The following CCDC40 variants were observed in gnomAD, a reference collection of about 807,000 sequenced individuals.
CCDC40 encodes the protein coiled-coil domain 40 molecular ruler complex subunit, also known as coiled-coil domain-containing protein 40.
In CCDC40, 104 loss-of-function variants were observed where a neutral mutation model predicts 124.5. That is an observed-to-expected ratio of 0.84 (90% CI 0.71 to 0.98). The LOEUF (loss-of-function observed/expected upper bound fraction) is 0.98, where lower values mean the gene tolerates loss of function less well. Ranked by LOEUF, CCDC40 falls within the 50% of genes least tolerant of loss-of-function variation. CCDC40 has a pLI of 0.00. For missense variants in CCDC40, 1,463 were observed against 1,503.9 expected (o/e 0.97, Z 0.45); for synonymous variants, 580 against 602.9 (o/e 0.96, Z 0.56).
chr17:80,085,633 C>T (rs541243829), intron 13 of CCDC40, among the ~76,000 whole-genome samples: 1 of 150,874 alleles, frequency 6.6e-6, no homozygotes, highest in African/African-American at 2.4e-5. Context: ...AGCCCACTCA[C>T]AAAGACCTTT....
intron 17 of CCDC40, among the ~76,000 whole-genome samples, chr17:80,092,425 CTG>C: frequency 6.6e-6 from 1 of 152,262 alleles, no homozygotes; most frequent in Non-Finnish European, 1.5e-5. Flanking sequence ...CTCATGCCCT[CTG>C]TAGTCAGCTC....
chr17:80,100,063 TA>T lies in CCDC40; in HGVS notation c.*290del. 1 of 461,080 alleles carries T rather than the reference TA, an allele frequency of 2.2e-6. No homozygotes were observed. Among genetic ancestry groups the T allele is most frequent in the Non-Finnish European group, 4.0e-6 (1 of 250,090 alleles). The allele number at this position is 461,080 out of a possible 1,614,324, so 28.6% of individuals were successfully genotyped here. On this transcript the variant is annotated 3_prime_UTR_variant, in exon 20 of 20. Coordinates refer to ENST00000397545, the MANE Select transcript of CCDC40 (RefSeq NM_017950.4). ...CCCACACTGGGCTTACTCGTCCAGG[TA>T]ACACTTTGGTTTGCAGCACTCCCAA...
intron 7 of CCDC40, among the ~76,000 whole-genome samples, chr17:80,053,565 T>A (rs1471235423): frequency 6.6e-6 from 1 of 152,226 alleles, no homozygotes; most frequent in Non-Finnish European, 1.5e-5. Context: ...GCATACAGAA[T>A]TCAGAATTCT....
At chr17:80,044,710 A>C (rs8071888) in intron 3 of CCDC40, among the ~76,000 whole-genome samples, 63,975 of 118,816 alleles carry the variant, frequency 0.54, 16,095 homozygotes, top group Middle Eastern at 0.65. Flanking sequence ...AACAAACAAA[A>C]AAAAAAATAT....
intron 16 of CCDC40, chr17:80,089,508 T>G: frequency 2.6e-6 from 1 of 390,252 alleles, no homozygotes. Context: ...TATATCCCTG[T>G]TCTCTCTCTC....
chr17:80,077,109 A>G lies in CCDC40; in HGVS notation c.1563-4437A>G, dbSNP rs114334756. ...CTACAGTAAAGTATGCACCTTCTGT[A>G]TGCACTGGGGAACCAAAAAAGATTG... On this transcript the variant is annotated intron_variant, in intron 10 of 19. Transcript: ENST00000397545. Among the ~76,000 whole-genome samples the G allele has an allele frequency of 3.6e-3, 546 of 152,292 alleles. 5 individuals carry two copies. Among genetic ancestry groups the G allele is most frequent in the Middle Eastern group, 0.014 (4 of 294 alleles).
intron 7 of CCDC40, among the ~76,000 whole-genome samples, chr17:80,052,455 G>T (rs2037626310): frequency 1.3e-5 from 2 of 152,154 alleles, no homozygotes; most frequent in Admixed American, 1.3e-4. Flanking sequence ...TTGGGGGTGG[G>T]TCTGCCTTTT....
chr17:80,091,880 G>A (rs2038730367), intron 17 of CCDC40, among the ~76,000 whole-genome samples: 1 of 151,818 alleles, frequency 6.6e-6, no homozygotes, highest in Non-Finnish European at 1.5e-5. Context: ...AAAAGCACAT[G>A]GCGGCAGTCA....
At chr17:80,088,276 C>T (rs2038632853) in intron 16 of CCDC40, 174 bp downstream of exon 16, 4 of 671,052 alleles carry the variant, frequency 6.0e-6, no homozygotes, top group South Asian at 4.9e-5. Context: ...TGTTTTTAGA[C>T]AGTCTTGCTC....
chr17:80,097,502 G>T, intron 19 of CCDC40, 99 bp downstream of exon 19: 1 of 1,316,012 alleles, frequency 7.6e-7, no homozygotes, highest in Non-Finnish European at 1.1e-6. Context: ...GGCCTCTCCT[G>T]ATCAGGTCAC....
At chr17:80,040,678 CAAAAA>C (rs34476860) in intron 3 of CCDC40, 30 of 130,012 alleles carry the variant, frequency 2.3e-4, no homozygotes, top group South Asian at 7.1e-4. Context: ...GACCTTGTCT[CAAAAA>C]AAAAAAAAAA....
chr17:80,045,021 A>G (rs2037386163), intron 3 of CCDC40, among the ~76,000 whole-genome samples: 1 of 152,096 alleles, frequency 6.6e-6, no homozygotes, highest in Non-Finnish European at 1.5e-5. Context: ...ACTGCTGCGC[A>G]CCCTGGAGAT....
chr17:80,057,599 G>C, intron 7 of CCDC40, among the ~76,000 whole-genome samples: 1 of 152,132 alleles, frequency 6.6e-6, no homozygotes, highest in East Asian at 2.0e-4. Flanking sequence ...TCTCATGGCC[G>C]GGCGCGGTGG....
At chr17:80,076,435 G>A (rs1298690817) in intron 10 of CCDC40, among the ~76,000 whole-genome samples, 1 of 152,064 alleles carries the variant, frequency 6.6e-6, no homozygotes, top group Non-Finnish European at 1.5e-5. Flanking sequence ...TTAGCCAGGT[G>A]TGGTGGTGTG....
chr17:80,044,812 G>A (rs749869812), intron 3 of CCDC40, among the ~76,000 whole-genome samples: 25 of 151,460 alleles, frequency 1.7e-4, no homozygotes, highest in Non-Finnish European at 2.6e-4. Flanking sequence ...CTGTAAACCC[G>A]ATTTTCATCC....
In CCDC40 at chr17:80,087,485, G is replaced by A. The variant is rs1168106536; in HGVS notation, c.2450-122G>A. On this transcript the variant is annotated intron_variant, in intron 14 of 19. Coordinates refer to ENST00000397545, the MANE Select transcript of CCDC40 (RefSeq NM_017950.4). The surrounding 1 kb of genome is among the most constrained non-coding windows in gnomAD (Gnocchi z 4.5). Reference sequence around the variant, plus strand: ...CAGGAGCGCCAGGAACGACAAGAGGGAGGGGATGAAGGGAGCTACAGGGAG... The same window carrying A: ...CAGGAGCGCCAGGAACGACAAGAGGAAGGGGATGAAGGGAGCTACAGGGAG... The A allele has an allele frequency of 2.7e-6, 2 of 752,256 alleles. No individual in the cohort carries two copies. The highest frequency in any genetic ancestry group is 4.8e-6 in the Non-Finnish European group (2 of 420,178). The allele number at this position is 752,256 out of a possible 1,614,324, so 46.6% of individuals were successfully genotyped here. A position where few individuals can be genotyped will look rare whatever the true frequency, so the allele number is the denominator to read the frequency against.
chr17:80,052,119 C>T (rs968411319), intron 7 of CCDC40, among the ~76,000 whole-genome samples: 5 of 152,194 alleles, frequency 3.3e-5, no homozygotes, highest in African/African-American at 7.2e-5. Context: ...AGCCCACGGT[C>T]ACCTGCCTCA....
chr17:80,085,148 G>A (rs970006819), intron 13 of CCDC40, among the ~76,000 whole-genome samples, 160 bp downstream of exon 13: 8 of 152,186 alleles, frequency 5.3e-5, no homozygotes, highest in African/African-American at 1.9e-4. Context: ...TGTGCCAAGC[G>A]CTCTAAGTCA....
rs376363442 is a variant in CCDC40, at chr17:80,081,952, C to T, written c.1883C>T (p.Thr628Met). 70 of 1,613,780 alleles carry T rather than the reference C, an allele frequency of 4.3e-5. 1 individual carries two copies. In the Middle Eastern group the frequency reaches 1.3e-3, roughly 30 times the overall value. The change falls in exon 12 of 20, where the codon ACG becomes ATG. Residue 628 changes from threonine to methionine, a missense_variant. Thr to Met is a moderately conservative substitution (Grantham distance 81). Transcript: ENST00000397545. The stretch of plus-strand genomic sequence containing the variant: ...GGCGAGCTGGAGCTCAGGAGGAAGA[C>T]GGATGCTGCCATCCGGGAGAAGCTG... ...IQGELELRRK[T>M]DAAIREKLQE... is the part of the protein sequence containing the mutation.
Sources: gnomAD v4.1 joint callset for allele counts (sites outside exome capture counted in the v4.1 genomes callset) on GRCh38, gnomAD v4.1.1 for gene constraint, Gnocchi (gnomAD v3.1) non-coding constraint, MANE v1.5 for transcripts, NCBI Gene and HGNC (gene_info 2026-07-23, HGNC 2026-07-21) for gene names.